Variants in LAMA3 observed in about 807,000 individuals in gnomAD.
LAMA3 encodes laminin subunit alpha 3.
Under a neutral mutation model 402.0 loss-of-function variants are expected in LAMA3, and 281 were observed. That is an observed-to-expected ratio of 0.70 (90% CI 0.63 to 0.77). LAMA3 has a LOEUF of 0.77. LAMA3 is among the 30% of genes least tolerant of loss of function. LAMA3 has a pLI of 0.00. For missense variants in LAMA3, 3,840 were observed against 4,215.5 expected (o/e 0.91, Z 2.47); for synonymous variants, 1,431 against 1,558.4 (o/e 0.92, Z 1.93).
intron 2 of LAMA3, among the ~76,000 whole-genome samples, chr18:23,746,461 G>T (rs532622016): frequency 1.3e-5 from 2 of 152,222 alleles, no homozygotes; most frequent in African/African-American, 4.8e-5. Context: ...AAATACTTCA[G>T]CCAAACAACA....
chr18:23,834,941 C>A (rs2063554029), intron 24 of LAMA3: 1 of 152,196 alleles, frequency 6.6e-6, no homozygotes, highest in African/African-American at 2.4e-5. Context: ...GCTAAACAAG[C>A]AGCTGCGAAG....
intron 1 of LAMA3, among the ~76,000 whole-genome samples, chr18:23,703,313 C>T (rs1028401842): frequency 1.3e-5 from 2 of 152,110 alleles, no homozygotes; most frequent in African/African-American, 4.8e-5. Flanking sequence ...CAAACCACTG[C>T]GTAAGATAGG....
intron 19 of LAMA3, among the ~76,000 whole-genome samples, chr18:23,820,762 T>A (rs1018947893): frequency 2.0e-5 from 3 of 152,166 alleles, no homozygotes; most frequent in African/African-American, 7.2e-5. Context: ...AAATTAACGA[T>A]CATGGTAACA....
Position 23,937,371 on chromosome 18 carries a change from CAAAAAAAAAAA to C in LAMA3, c.8863-1835_8863-1825del, listed in dbSNP as rs58274189. Among the ~76,000 whole-genome samples, 285 of 92,874 alleles carry C rather than the reference CAAAAAAAAAAA, an allele frequency of 3.1e-3. 1 individual carries two copies. Among genetic ancestry groups the C allele is most frequent in the African/African-American group, 6.4e-3 (125 of 19,666 alleles). The allele number at this position is 92,874 out of a possible 152,430, so 60.9% of individuals were successfully genotyped here. ...ACAGAGTGAGACTCCTTCTCAAAAG[CAAAAAAAAAAA>C]AAAAAAAAAAAAAAAAGAGGGCTGA... On this transcript the variant is annotated intron_variant, in intron 67 of 74. Coordinates refer to ENST00000313654, the MANE Select transcript of LAMA3 (RefSeq NM_198129.4).
At chr18:23,769,700 C>G (rs1386643180) in intron 8 of LAMA3, among the ~76,000 whole-genome samples, 1 of 152,194 alleles carries the variant, frequency 6.6e-6, no homozygotes, top group Non-Finnish European at 1.5e-5. Context: ...TACACACACA[C>G]CAGACACAAA....
At chr18:23,910,292 T>C (rs1599069998) in intron 55 of LAMA3, among the ~76,000 whole-genome samples, 1 of 152,194 alleles carries the variant, frequency 6.6e-6, no homozygotes, top group Admixed American at 6.5e-5. Flanking sequence ...TCTTTACCTC[T>C]CTGTGCCTCA....
At chr18:23,888,244 G>A (rs1460628671) in intron 41 of LAMA3, among the ~76,000 whole-genome samples, 1 of 152,178 alleles carries the variant, frequency 6.6e-6, no homozygotes, top group Non-Finnish European at 1.5e-5. Context: ...TGGATTATTA[G>A]GGGATACATG....
intron 24 of LAMA3, chr18:23,834,967 G>A (rs187130038): frequency 6.6e-6 from 1 of 152,250 alleles, no homozygotes; most frequent in Non-Finnish European, 1.5e-5. Flanking sequence ...GTCTTTGAAT[G>A]ATGATAGAAC....
intron 64 of LAMA3, among the ~76,000 whole-genome samples, chr18:23,929,700 C>T (rs138238625): frequency 1.3e-5 from 2 of 152,250 alleles, no homozygotes; most frequent in African/African-American, 4.8e-5. Flanking sequence ...CTCACCAGTC[C>T]TTGAGGTTTT....
intron 62 of LAMA3, 32 bp from the exon 63 acceptor site, chr18:23,928,087 GATCC>G: frequency 7.1e-7 from 1 of 1,413,822 alleles, no homozygotes; most frequent in Non-Finnish European, 1.0e-6. Context: ...AGCCTGACAT[GATCC>G]ATCTCTTCCT....
intron 12 of LAMA3, among the ~76,000 whole-genome samples, chr18:23,791,319 C>A (rs1487569778): frequency 1.3e-5 from 2 of 152,170 alleles, no homozygotes; most frequent in Non-Finnish European, 2.9e-5. Flanking sequence ...TACCAGCAAG[C>A]TACCTAGAAA....
intron 68 of LAMA3, among the ~76,000 whole-genome samples, chr18:23,942,397 A>G (rs1010185020): frequency 2.0e-5 from 3 of 152,146 alleles, no homozygotes; most frequent in African/African-American, 7.2e-5. Context: ...AAGGAAGGAA[A>G]CATCCATCGT....
rs2061680857 is a variant in LAMA3 at position 23,747,995 on chromosome 18, A to G, written c.500A>G (p.Asp167Gly). Residue 167 changes from aspartate (D) to glycine (G), a missense_variant, in exon 3 of 75, where the codon GAT (aspartate) becomes GGT (glycine). Coordinates refer to ENST00000313654, the MANE Select transcript of LAMA3 (RefSeq NM_198129.4). ...LIKFANSPRP[D>G]LWVLERSVDF... is the part of the protein sequence containing the mutation. ...AAATTTGCAAATTCTCCTCGCCCTG[A>G]TCTTTGGGTCTTGGAAAGATCTGTA... The G allele has an allele frequency of 6.2e-7, 1 of 1,613,624 alleles. No individual in the cohort carries two copies. The highest frequency in any genetic ancestry group is 1.3e-5 in the African/African-American group (1 of 74,886).
intron 4 of LAMA3, among the ~76,000 whole-genome samples, chr18:23,749,786 C>T (rs550573276): frequency 1.3e-5 from 2 of 152,216 alleles, no homozygotes; most frequent in South Asian, 2.1e-4. Context: ...ATCCAAAGCC[C>T]GCAGGTCTTG....
At chr18:23,873,463 C>A (rs144683053) in intron 38 of LAMA3, among the ~76,000 whole-genome samples, 263 of 152,210 alleles carry the variant, frequency 1.7e-3, no homozygotes, top group African/African-American at 6.2e-3. Flanking sequence ...TGAATGCTTG[C>A]GGGATGTTAA....
At chr18:23,746,061 C>T (rs1332699032) in intron 2 of LAMA3, among the ~76,000 whole-genome samples, 46 of 152,152 alleles carry the variant, frequency 3.0e-4, no homozygotes, top group Non-Finnish European at 7.3e-5. Context: ...GTTACACCTA[C>T]GTTTAGAGTA....
intron 1 of LAMA3, among the ~76,000 whole-genome samples, chr18:23,701,830 C>T (rs2060794575): frequency 6.6e-6 from 1 of 152,166 alleles, no homozygotes; most frequent in Non-Finnish European, 1.5e-5. Flanking sequence ...AAGCGTGTTC[C>T]TGGGAGAGCG....
intron 1 of LAMA3, among the ~76,000 whole-genome samples, chr18:23,702,971 A>G (rs2060818423): frequency 6.6e-6 from 1 of 152,184 alleles, no homozygotes; most frequent in South Asian, 2.1e-4. Flanking sequence ...GTTAATGCAT[A>G]TAAAGTGCAA....
chr18:23,870,321 A>G (rs747606585), intron 37 of LAMA3, among the ~76,000 whole-genome samples: 1 of 151,896 alleles, frequency 6.6e-6, no homozygotes, highest in Non-Finnish European at 1.5e-5. Context: ...AACAAAAATT[A>G]CCAAACAGAA....
Sources: gnomAD v4.1 joint callset for allele counts (sites outside exome capture counted in the v4.1 genomes callset) on GRCh38, gnomAD v4.1.1 for gene constraint, MANE v1.5 for transcripts, NCBI Gene and HGNC (gene_info 2026-07-23, HGNC 2026-07-21) for gene names.